The following SNX3 variants were observed in gnomAD, a reference collection of about 807,000 sequenced individuals.
The protein encoded by SNX3 is sorting nexin 3.
Under a neutral mutation model 17.7 loss-of-function variants are expected in SNX3, and 5 were observed. That is an observed-to-expected ratio of 0.28 (90% CI 0.15 to 0.59). The LOEUF (loss-of-function observed/expected upper bound fraction) is 0.59, where lower values mean the gene tolerates loss of function less well. Ranked by LOEUF, SNX3 falls within the 20% of genes least tolerant of loss-of-function variation. The probability of loss-of-function intolerance (pLI) is 0.88; values close to 1 mark genes in which losing one functional copy is unlikely to be tolerated. For synonymous variants in SNX3, 91 were observed against 76.5 expected, an observed-to-expected ratio of 1.19 and a Z score of -0.99; for missense variants, 132 against 206.8, an observed-to-expected ratio of 0.64 and a Z score of 2.22.
intron 1 of SNX3, among the ~76,000 whole-genome samples, chr6:108,241,950 A>T (rs1775534593): frequency 6.6e-6 from 1 of 152,240 alleles, no homozygotes; most frequent in Admixed American, 6.5e-5. Flanking sequence ...ACTGAAAGAC[A>T]GCATGATGAC....
intron 1 of SNX3, among the ~76,000 whole-genome samples, chr6:108,244,717 A>C (rs1775632199): frequency 7.8e-6 from 1 of 128,870 alleles, no homozygotes; most frequent in Admixed American, 1.0e-4. Context: ...ATCTCAGCTC[A>C]CTGCAACTTC....
chr6:108,242,998 C>T (rs1348467339), intron 1 of SNX3, among the ~76,000 whole-genome samples: 2 of 152,290 alleles, frequency 1.3e-5, no homozygotes, highest in East Asian at 3.9e-4. Context: ...AGCAAAAAGT[C>T]CAGACAAGCC....
At chr6:108,212,306 G>A (rs1282419449) in intron 3 of SNX3, 52 bp from the exon 4 acceptor site, 8 of 1,195,094 alleles carry the variant, frequency 6.7e-6, no homozygotes, top group African/African-American at 1.6e-5. Flanking sequence ...AGGTGGGGGA[G>A]TTCAAAACAC....
rs926081965 is a variant in SNX3, at chr6:108,241,205, G to C, written c.163-18160C>G. On this transcript the variant is annotated intron_variant, in intron 1 of 3. Transcript: ENST00000230085. ...TTACACAAAGCTGTATGCATGCTCA[G>C]CTGGAGAGAACCCTAGTTATCTAAA... Among the ~76,000 whole-genome samples, 37 of 147,844 alleles carry C rather than the reference G, an allele frequency of 2.5e-4. 1 individual carries two copies. Among genetic ancestry groups the C allele is most frequent in the Admixed American group, 1.6e-3 (23 of 14,728 alleles).
chr6:108,212,344 AT>A (rs943800071), intron 3 of SNX3, 90 bp from the exon 4 acceptor site: 52,188 of 649,518 alleles, frequency 0.08, no homozygotes, highest in South Asian at 0.12. Flanking sequence ...AGCATGTATA[AT>A]TTTTTTTTTT....
intron 1 of SNX3, among the ~76,000 whole-genome samples, chr6:108,227,792 A>C (rs906662338): frequency 6.6e-6 from 1 of 152,086 alleles, no homozygotes; most frequent in African/African-American, 2.4e-5. Flanking sequence ...TAACTGATTA[A>C]AATAACTAAG....
At chr6:108,257,481 C>T (rs1042084835) in intron 1 of SNX3, among the ~76,000 whole-genome samples, 8 of 152,064 alleles carry the variant, frequency 5.3e-5, no homozygotes, top group African/African-American at 1.4e-4. Flanking sequence ...CCACTGTGTT[C>T]CAGCCTGGGC....
chr6:108,246,374 G>GACT (rs1451401319), intron 1 of SNX3, among the ~76,000 whole-genome samples: 8 of 121,086 alleles, frequency 6.6e-5, no homozygotes, highest in Non-Finnish European at 1.1e-4. Flanking sequence ...GCCCTGGCTA[G>GACT]ACTACAGTGG....
chr6:108,231,370 C>CCA (rs1728635082), intron 1 of SNX3, among the ~76,000 whole-genome samples: 1 of 152,236 alleles, frequency 6.6e-6, no homozygotes, highest in East Asian at 1.9e-4. Context: ...CTGGCATGAG[C>CCA]CACTGCACTC....
intron 2 of SNX3, among the ~76,000 whole-genome samples, chr6:108,218,255 T>C (rs564379592): frequency 2.0e-5 from 3 of 152,170 alleles, no homozygotes; most frequent in East Asian, 1.9e-4. Context: ...CCAAAGAAGA[T>C]ACATAAATGA....
chr6:108,260,925 G>T lies in SNX3; in HGVS notation c.-4C>A. 1 of 1,568,284 alleles carries T rather than the reference G, an allele frequency of 6.4e-7. No homozygotes were observed. The highest frequency in any genetic ancestry group is 8.6e-7 in the Non-Finnish European group (1 of 1,158,044). Reference sequence around the variant, plus strand: ...TGTCAGCCACGGTCTCCGCCATTTCGCTGTAGCTGCTGCCGCCGCCGCGGG... The same window carrying T: ...TGTCAGCCACGGTCTCCGCCATTTCTCTGTAGCTGCTGCCGCCGCCGCGGG... On this transcript the variant is annotated 5_prime_UTR_variant, in exon 1 of 4. Transcript: ENST00000230085.
At chr6:108,236,585 G>A (rs1029227093) in intron 1 of SNX3, among the ~76,000 whole-genome samples, 15 of 148,218 alleles carry the variant, frequency 1.0e-4, no homozygotes, top group Non-Finnish European at 2.2e-4. Context: ...GGGTTTCACC[G>A]TTTTTTTTTA....
chr6:108,257,834 C>T (rs1230237986), intron 1 of SNX3, among the ~76,000 whole-genome samples: 4 of 151,706 alleles, frequency 2.6e-5, no homozygotes, highest in Non-Finnish European at 4.4e-5. Flanking sequence ...CGTGGTGGCG[C>T]GTGCCTGTAG....
intron 2 of SNX3, among the ~76,000 whole-genome samples, chr6:108,216,718 GTTGT>G (rs1438295852): frequency 6.6e-6 from 1 of 152,082 alleles, no homozygotes; most frequent in African/African-American, 2.4e-5. Flanking sequence ...TCTACAACGA[GTTGT>G]TTATCCTCAA....
chr6:108,245,274 C>T (rs1336608095), intron 1 of SNX3, among the ~76,000 whole-genome samples: 3 of 152,068 alleles, frequency 2.0e-5, no homozygotes, highest in South Asian at 2.1e-4. Context: ...TCCATGTCCC[C>T]GCAAAGGACA....
At position 108,260,911 on chromosome 6, in the gene SNX3, G is replaced by C. The variant is rs1391861800; in HGVS notation, c.11C>G (p.Thr4Ser). The C allele has an allele frequency of 1.9e-6, 3 of 1,596,362 alleles. No homozygotes were observed. The Admixed American group carries it at 5.1e-5, about 27-fold the overall frequency. MAETVADTRRLITK... is the reference protein window; with the variant it reads MAESVADTRRLITK... ...GATCAGCCGCCGGGTGTCAGCCACG[G>C]TCTCCGCCATTTCGCTGTAGCTGCT... is the stretch of plus-strand genomic sequence containing the variant. Residue 4 changes from threonine (T) to serine (S), a missense_variant, in exon 1 of 4, where the codon ACC becomes AGC. By Grantham distance (58) the Thr-to-Ser change is moderately conservative (BLOSUM62 1). Transcript: ENST00000230085.
Position 108,215,716 on chromosome 6 carries a change from G to A in SNX3, c.259-1094C>T, listed in dbSNP as rs562143545. Among the ~76,000 whole-genome samples the A allele has an allele frequency of 1.2e-3, 178 of 152,194 alleles. 1 individual carries two copies. Among genetic ancestry groups the A allele is most frequent in the Admixed American group, 1.6e-3 (25 of 15,274 alleles). ...TGCACTTTGGGAGGCCAAGGCAGGC[G>A]GGAGGATTGCTTGAGGCCAGGAATT... On this transcript the variant is annotated intron_variant, in intron 2 of 3. Coordinates refer to ENST00000230085, the MANE Select transcript of SNX3 (RefSeq NM_003795.6).
chr6:108,215,289 G>A (rs1774533944), intron 2 of SNX3, among the ~76,000 whole-genome samples: 1 of 151,530 alleles, frequency 6.6e-6, no homozygotes, highest in Non-Finnish European at 1.5e-5. Flanking sequence ...GGCAGAGCTT[G>A]CAGTGAGTGG....
At chr6:108,227,597 T>C (rs889606135) in intron 1 of SNX3, among the ~76,000 whole-genome samples, 26 of 152,334 alleles carry the variant, frequency 1.7e-4, no homozygotes, top group African/African-American at 5.8e-4. Context: ...TAGAGGACCA[T>C]GATTAGCTTA....
Sources: allele counts gnomAD v4.1 joint callset (sites outside exome capture counted in the v4.1 genomes callset), GRCh38; gene constraint gnomAD v4.1.1; transcripts MANE v1.5; gene names NCBI Gene and HGNC (gene_info 2026-07-23, HGNC 2026-07-21).